SEMA3C: variants seen among roughly 807,000 people sequenced by gnomAD.
The protein encoded by SEMA3C is semaphorin 3C.
SEMA3C carries 47 observed loss-of-function variants against 89.4 expected under a neutral mutation model. The observed-to-expected ratio is 0.53, with a 90% confidence interval of 0.42 to 0.67. The LOEUF is 0.67. Among genes scored for constraint, SEMA3C ranks in the 30% least tolerant of loss-of-function variants. The probability of loss-of-function intolerance (pLI) is 0.00; values close to 1 mark genes in which losing one functional copy is unlikely to be tolerated. For synonymous variants in SEMA3C, 310 were observed against 320.2 expected (o/e 0.97, Z 0.34); for missense variants, 839 against 929.1 (o/e 0.90, Z 1.26).
At chr7:80,771,977 T>C (rs144033423) in intron 12 of SEMA3C, among the ~76,000 whole-genome samples, 7 of 152,292 alleles carry the variant, frequency 4.6e-5, no homozygotes, top group African/African-American at 1.7e-4. Context: ...TAAAGTACTA[T>C]TATAAAAGAT....
chr7:80,860,005 A>C (rs1790733280), intron 2 of SEMA3C, among the ~76,000 whole-genome samples: 1 of 152,126 alleles, frequency 6.6e-6, no homozygotes. Flanking sequence ...ATTCTAATTA[A>C]TAATAGGCAT....
intron 12 of SEMA3C, among the ~76,000 whole-genome samples, chr7:80,783,133 AT>A: frequency 6.6e-6 from 1 of 152,258 alleles, no homozygotes; most frequent in East Asian, 1.9e-4. Flanking sequence ...AAGAAAAATA[AT>A]GCTGCTTTTT....
At chr7:80,868,295 T>C (rs1790976412) in intron 2 of SEMA3C, among the ~76,000 whole-genome samples, 1 of 152,156 alleles carries the variant, frequency 6.6e-6, no homozygotes, top group South Asian at 2.1e-4. Flanking sequence ...TGAGACAAGA[T>C]CTTACTCTGT....
At chr7:80,894,263 A>G (rs993303754) in intron 2 of SEMA3C, among the ~76,000 whole-genome samples, 4 of 152,178 alleles carry the variant, frequency 2.6e-5, no homozygotes, top group African/African-American at 9.7e-5. Context: ...TAAAGAATAT[A>G]AAGAAAACAC....
intron 2 of SEMA3C, among the ~76,000 whole-genome samples, chr7:80,904,316 C>T (rs1308072525): frequency 6.6e-6 from 1 of 152,186 alleles, no homozygotes; most frequent in African/African-American, 2.4e-5. Context: ...GCTGGGATTA[C>T]AGGCATGAGC....
intron 7 of SEMA3C, among the ~76,000 whole-genome samples, chr7:80,804,833 G>C (rs1220366222): frequency 6.6e-6 from 1 of 152,070 alleles, no homozygotes; most frequent in Non-Finnish European, 1.5e-5. Context: ...ATGCTTTCTT[G>C]TGCTGGCCTA....
At chr7:80,792,740 T>C (rs1186906264) in intron 11 of SEMA3C, among the ~76,000 whole-genome samples, 1 of 152,172 alleles carries the variant, frequency 6.6e-6, no homozygotes, top group Non-Finnish European at 1.5e-5. Flanking sequence ...TGTCTCCTAG[T>C]ATATGTTCAA....
chr7:80,782,018 G>A (rs145897725), intron 12 of SEMA3C, among the ~76,000 whole-genome samples: 75 of 152,108 alleles, frequency 4.9e-4, no homozygotes, highest in Admixed American at 1.3e-3. Context: ...AGAGTTTGAT[G>A]GGTGTTTTGG....
chr7:80,765,028 C>T, intron 13 of SEMA3C, 127 bp downstream of exon 13: 17 of 583,622 alleles, frequency 2.9e-5, no homozygotes, highest in South Asian at 1.2e-4. Flanking sequence ...GTTTTCCTAC[C>T]CTCAAAAATT....
chr7:80,825,146 A>G (rs920719787), intron 4 of SEMA3C, among the ~76,000 whole-genome samples: 2 of 152,178 alleles, frequency 1.3e-5, no homozygotes, highest in African/African-American at 4.8e-5. Context: ...TACAACTTTC[A>G]AAGATCTATT....
chr7:80,788,804 T>A (rs1583878486), intron 12 of SEMA3C, among the ~76,000 whole-genome samples: 2 of 152,294 alleles, frequency 1.3e-5, no homozygotes, highest in East Asian at 3.9e-4. Flanking sequence ...ATGTATTGAT[T>A]AAGAAGTCAC....
chr7:80,830,739 C>T (rs553948115), intron 2 of SEMA3C, among the ~76,000 whole-genome samples: 5 of 152,194 alleles, frequency 3.3e-5, no homozygotes, highest in Admixed American at 6.5e-5. Flanking sequence ...GATAACCTTC[C>T]AGTTACTGAG....
intron 2 of SEMA3C, among the ~76,000 whole-genome samples, chr7:80,839,287 T>C (rs1473708704): frequency 6.6e-6 from 1 of 152,090 alleles, no homozygotes; most frequent in Non-Finnish European, 1.5e-5. Flanking sequence ...GCAGATAAAC[T>C]TGTAGAGGAG....
intron 14 of SEMA3C, 72 bp from the exon 15 acceptor site, chr7:80,758,560 T>C (rs1788118110): frequency 1.4e-6 from 2 of 1,389,482 alleles, no homozygotes; most frequent in Non-Finnish European, 2.0e-6. Context: ...GAACACATTA[T>C]AATATATGCC....
At chr7:80,799,265 A>G (rs901428426) in intron 10 of SEMA3C, among the ~76,000 whole-genome samples, 1 of 152,118 alleles carries the variant, frequency 6.6e-6, no homozygotes, top group African/African-American at 2.4e-5. Flanking sequence ...TGCAGTTTAC[A>G]ATTATACTAT....
chr7:80,918,941 T>G lies in SEMA3C; in HGVS notation c.-152A>C. On this transcript the variant is annotated 5_prime_UTR_variant, in exon 1 of 18. Coordinates refer to ENST00000265361, the MANE Select transcript of SEMA3C (RefSeq NM_006379.5). ...CTTATTTTCTAGCACGTCGCAAAGGTGAAATTCTTTCTTCCCGGTCCTCTG... is the reference window on the plus strand; with the variant it reads ...CTTATTTTCTAGCACGTCGCAAAGGGGAAATTCTTTCTTCCCGGTCCTCTG... 1.0e-6 allele frequency: 1 copy of G among 985,396 alleles called. No individual in the cohort carries two copies. Among genetic ancestry groups the G allele is most frequent in the Non-Finnish European group, 1.2e-6 (1 of 829,944 alleles). 61.0% of individuals were successfully genotyped at this position (985,396 alleles called of 1,614,324 possible). A position where few individuals can be genotyped will look rare whatever the true frequency, so the allele number is the denominator to read the frequency against.
At chr7:80,752,286 T>C (rs1787952970) in intron 15 of SEMA3C, among the ~76,000 whole-genome samples, 1 of 152,180 alleles carries the variant, frequency 6.6e-6, no homozygotes, top group Admixed American at 6.6e-5. Context: ...CATTTAGTTG[T>C]TACGTATTAT....
At chr7:80,786,336 C>CCA (rs1406481771) in intron 12 of SEMA3C, among the ~76,000 whole-genome samples, 1 of 151,736 alleles carries the variant, frequency 6.6e-6, no homozygotes, top group African/African-American at 2.4e-5. Flanking sequence ...GCTTAAAATT[C>CCA]CACCCATGAA....
intron 2 of SEMA3C, among the ~76,000 whole-genome samples, chr7:80,855,471 T>C (rs1790616200): frequency 6.6e-6 from 1 of 152,120 alleles, no homozygotes; most frequent in African/African-American, 2.4e-5. Context: ...GGTCTCGCTA[T>C]GTTGCCCAGG....
Sources: allele counts gnomAD v4.1 joint callset (sites outside exome capture counted in the v4.1 genomes callset), GRCh38; gene constraint gnomAD v4.1.1; transcripts MANE v1.5; gene names NCBI Gene and HGNC (gene_info 2026-07-23, HGNC 2026-07-21).